PTPRG: variants seen among roughly 807,000 people sequenced by gnomAD.
The protein encoded by PTPRG is protein tyrosine phosphatase receptor type G, also known as receptor-type tyrosine-protein phosphatase gamma.
In PTPRG, 102 loss-of-function variants were observed where a neutral mutation model predicts 165.3. The observed-to-expected ratio is 0.62, with a 90% CI of 0.53 to 0.73. The LOEUF is 0.73. Ranked by LOEUF, PTPRG falls within the 30% of genes least tolerant of loss-of-function variation. The probability of loss-of-function intolerance (pLI) is 0.00; values close to 1 mark genes in which losing one functional copy is unlikely to be tolerated. For missense variants in PTPRG, 1,866 were observed against 1,861.4 expected (o/e 1.00, Z -0.05); for synonymous variants, 675 against 669.5 (o/e 1.01, Z -0.13).
chr3:61,832,418 T>G (rs905280631), intron 2 of PTPRG, among the ~76,000 whole-genome samples: 5 of 152,210 alleles, frequency 3.3e-5, no homozygotes, highest in African/African-American at 1.2e-4. Flanking sequence ...GAACAGAGTT[T>G]TGGAGCATAG....
intron 5 of PTPRG, chr3:62,118,427 G>A (rs1320806663): frequency 6.6e-6 from 1 of 152,156 alleles, no homozygotes; most frequent in Admixed American, 6.5e-5. Context: ...TTTGAACCAA[G>A]GCAACCTGAC....
chr3:62,015,617 C>T (rs935350095), intron 4 of PTPRG, among the ~76,000 whole-genome samples: 10 of 152,188 alleles, frequency 6.6e-5, no homozygotes, highest in Non-Finnish European at 1.3e-4. Context: ...GCTGGGACTA[C>T]AGGCACACAC....
At position 61,886,259 on chromosome 3, in the gene PTPRG, C is replaced by T. The variant is rs189776466; in HGVS notation, c.191-103366C>T. Among the ~76,000 whole-genome samples, 5 of 152,206 alleles carry T rather than the reference C, an allele frequency of 3.3e-5. No individual in the cohort carries two copies. In the East Asian group the frequency reaches 7.7e-4, roughly 24 times the overall value. On this transcript the variant is annotated intron_variant, in intron 2 of 29. Transcript: ENST00000474889. Reference sequence around the variant, plus strand: ...CAGGTGGAGAAATTATAACCATAACCCTCCTCTTATAGGAGATGGAGGTTA... The same window carrying T: ...CAGGTGGAGAAATTATAACCATAACTCTCCTCTTATAGGAGATGGAGGTTA...
intron 1 of PTPRG, among the ~76,000 whole-genome samples, chr3:61,693,684 G>C (rs2030367503): frequency 1.3e-5 from 2 of 152,116 alleles, no homozygotes. Context: ...TCTGACTCCA[G>C]GCTTGTGTGT....
At chr3:61,663,842 C>T (rs1274547628) in intron 1 of PTPRG, among the ~76,000 whole-genome samples, 1 of 152,110 alleles carries the variant, frequency 6.6e-6, no homozygotes, top group Non-Finnish European at 1.5e-5. Context: ...GAATCTAATG[C>T]TACCACTGAT....
In PTPRG at chr3:61,662,429, T is replaced by G. The variant is rs577925505; in HGVS notation, c.86-86449T>G. On this transcript the variant is annotated intron_variant, in intron 1 of 29. Coordinates refer to ENST00000474889, the MANE Select transcript of PTPRG (RefSeq NM_002841.4). The stretch of plus-strand genomic sequence containing the variant: ...TGGAAGTGGATCCTCTATCCCAGAT[T>G]AAATATTCAGCTGACTGCAGTGCAG... 2.0e-5 allele frequency among the ~76,000 whole-genome samples: 3 copies of G among 152,298 alleles called. No individual in the cohort carries two copies. In the South Asian group the frequency reaches 6.2e-4, roughly 32 times the overall value.
intron 4 of PTPRG, among the ~76,000 whole-genome samples, chr3:62,065,582 GAATAAT>G (rs1160487072): frequency 6.6e-6 from 1 of 152,044 alleles, no homozygotes; most frequent in Non-Finnish European, 1.5e-5. Flanking sequence ...AAGGGATACT[GAATAAT>G]AATAATAATA....
chr3:62,216,979 C>T (rs1024176559), intron 12 of PTPRG, among the ~76,000 whole-genome samples: 2 of 152,146 alleles, frequency 1.3e-5, no homozygotes, highest in African/African-American at 4.8e-5. Context: ...CCCCTATGGC[C>T]CCCTGTGCTT....
chr3:62,119,201 T>A (rs1702972318), intron 5 of PTPRG, among the ~76,000 whole-genome samples: 2 of 152,200 alleles, frequency 1.3e-5, no homozygotes, highest in Admixed American at 6.5e-5. Context: ...TGCTTAAATT[T>A]CAGAGACTCT....
intron 2 of PTPRG, among the ~76,000 whole-genome samples, chr3:61,910,053 T>G (rs2038761376): frequency 1.3e-5 from 2 of 152,194 alleles, no homozygotes; most frequent in African/African-American, 2.4e-5. Context: ...AGATGCTGAT[T>G]AGTAGTATTT....
intron 4 of PTPRG, among the ~76,000 whole-genome samples, chr3:62,048,992 A>G (rs902868112): frequency 6.6e-6 from 1 of 152,210 alleles, no homozygotes; most frequent in African/African-American, 2.4e-5. Flanking sequence ...ACAATATGTA[A>G]CTGAATATTT....
intron 8 of PTPRG, among the ~76,000 whole-genome samples, chr3:62,168,950 A>G (rs1705104884): frequency 6.6e-6 from 1 of 152,056 alleles, no homozygotes; most frequent in Non-Finnish European, 1.5e-5. Context: ...AAGTGAGAAG[A>G]TGATGGAGTT....
chr3:61,972,302 T>C (rs1026567219), intron 2 of PTPRG, among the ~76,000 whole-genome samples: 25 of 152,192 alleles, frequency 1.6e-4, no homozygotes, highest in African/African-American at 5.5e-4. Flanking sequence ...GTAGAAGCTG[T>C]GATCAGGGAG....
intron 1 of PTPRG, among the ~76,000 whole-genome samples, chr3:61,703,644 A>G (rs1034555337): frequency 2.6e-5 from 4 of 152,172 alleles, no homozygotes; most frequent in African/African-American, 9.6e-5. Context: ...ATAGGATTGT[A>G]TCAGTGAAAC....
intron 27 of PTPRG, among the ~76,000 whole-genome samples, 171 bp from the exon 28 acceptor site, chr3:62,282,556 A>G (rs1702491690): frequency 1.3e-5 from 2 of 149,382 alleles, no homozygotes; most frequent in Admixed American, 1.3e-4. Flanking sequence ...CAAAAAAACA[A>G]AAAAAAAAAA....
At position 61,593,146 on chromosome 3, in the gene PTPRG, T is replaced by C. The variant is rs150879350; in HGVS notation, c.85+30774T>C. On this transcript the variant is annotated intron_variant, in intron 1 of 29. Transcript: ENST00000474889. ...TGTTCTTAACATATTCCTATGCACA[T>C]TGGAATTTGAGATGTGTGCAGTGCT... Among the ~76,000 whole-genome samples the C allele has an allele frequency of 2.2e-3, 339 of 152,244 alleles. 4 individuals are homozygous for C. Among genetic ancestry groups the C allele is most frequent in the African/African-American group, 7.8e-3 (323 of 41,544 alleles).
At chr3:62,011,295 T>A (rs917808561) in intron 4 of PTPRG, among the ~76,000 whole-genome samples, 5 of 152,220 alleles carry the variant, frequency 3.3e-5, no homozygotes, top group Non-Finnish European at 5.9e-5. Context: ...TGTAAACACA[T>A]GGGGCGGGTC....
chr3:62,105,979 A>C (rs578132246), intron 5 of PTPRG, among the ~76,000 whole-genome samples: 87 of 152,322 alleles, frequency 5.7e-4, no homozygotes, highest in African/African-American at 1.9e-3. Context: ...AGAAACATTA[A>C]CACATTTAGA....
intron 4 of PTPRG, among the ~76,000 whole-genome samples, chr3:62,046,126 AG>A (rs1437960627): frequency 6.6e-6 from 1 of 152,186 alleles, no homozygotes; most frequent in African/African-American, 2.4e-5. Flanking sequence ...TTACCTTACT[AG>A]GGCACCCTCT....
Sources: gnomAD v4.1 joint callset for allele counts (sites outside exome capture counted in the v4.1 genomes callset) on GRCh38, gnomAD v4.1.1 for gene constraint, MANE v1.5 for transcripts, NCBI Gene and HGNC (gene_info 2026-07-23, HGNC 2026-07-21) for gene names.